The following STRAP variants were observed in gnomAD, a reference collection of about 807,000 sequenced individuals.
STRAP encodes serine/threonine kinase receptor associated protein.
A neutral mutation model predicts 47.0 loss-of-function variants in STRAP; 16 were observed. That is an observed-to-expected ratio of 0.34 (90% CI 0.23 to 0.52). The LOEUF is 0.52. Ranked by LOEUF, STRAP falls within the 20% of genes least tolerant of loss-of-function variation. STRAP has a pLI of 0.96. For synonymous variants in STRAP, 130 were observed against 142.7 expected, an observed-to-expected ratio of 0.91 and a Z score of 0.63; for missense variants, 293 against 420.0, an observed-to-expected ratio of 0.70 and a Z score of 2.64.
Position 15,890,739 on chromosome 12 carries a change from C to A in STRAP, c.403+70C>A. On this transcript the variant is annotated intron_variant, in intron 4 of 9. Coordinates refer to ENST00000419869, the MANE Select transcript of STRAP (RefSeq NM_007178.4). This position sits in a 1 kb window ranked among gnomAD's most constrained non-coding sequence, Gnocchi z 4.5. ...ATTTAAATAACTGATTAAAGAATTT[C>A]ATGCTCAGTACTCAAATTTGGAAAA... The A allele has an allele frequency of 7.4e-7, 1 of 1,345,182 alleles. No homozygotes were observed. Among genetic ancestry groups the A allele is most frequent in the Non-Finnish European group, 1.0e-6 (1 of 962,722 alleles). The allele number at this position is 1,345,182 out of a possible 1,614,324, so 83.3% of individuals were successfully genotyped here. A position where few individuals can be genotyped will look rare whatever the true frequency, so the allele number is the denominator to read the frequency against.
chr12:15,886,071 T>C lies in STRAP; in HGVS notation c.248+2395T>C, dbSNP rs376753856. Among the ~76,000 whole-genome samples, 565 of 152,212 alleles carry C rather than the reference T, an allele frequency of 3.7e-3. 6 individuals are homozygous for C. Among genetic ancestry groups the C allele is most frequent in the African/African-American group, 0.012 (501 of 41,514 alleles). Reference sequence around the variant, plus strand: ...AAGGAAGATTTTTGTGATTTTTTTTTCCCCCTCCTCAGTTAAGGCTTTAGG... The same window carrying C: ...AAGGAAGATTTTTGTGATTTTTTTTCCCCCCTCCTCAGTTAAGGCTTTAGG... On this transcript the variant is annotated intron_variant, in intron 2 of 9. Coordinates refer to ENST00000419869, the MANE Select transcript of STRAP (RefSeq NM_007178.4).
intron 9 of STRAP, among the ~76,000 whole-genome samples, chr12:15,902,017 C>T (rs1948108167): frequency 1.3e-5 from 2 of 152,024 alleles, no homozygotes; most frequent in Non-Finnish European, 2.9e-5. Context: ...TGCTCTGTTG[C>T]CCAGGCTGGA....
At chr12:15,900,177 G>A in intron 8 of STRAP, 124 bp downstream of exon 8, 6 of 1,035,190 alleles carry the variant, frequency 5.8e-6, no homozygotes, top group Non-Finnish European at 8.1e-6. Flanking sequence ...TATGGTTTAA[G>A]CAGCGAGAAG....
In STRAP at chr12:15,887,721, T is replaced by C. The variant is rs886248819; in HGVS notation, c.249-2207T>C. Among the ~76,000 whole-genome samples, 1 of 152,174 alleles carries C rather than the reference T, an allele frequency of 6.6e-6. No individual in the cohort carries two copies. The highest frequency in any genetic ancestry group is 1.5e-5 in the Non-Finnish European group (1 of 68,014). On this transcript the variant is annotated intron_variant, in intron 2 of 9. Transcript: ENST00000419869. This position sits in a 1 kb window ranked among gnomAD's most constrained non-coding sequence, Gnocchi z 5.5. Reference sequence around the variant, plus strand: ...CAGTCTAAGCAGAATCTTAAGATTTTAGAGCTGCCATGTTGGCGTTAGCCT... The same window carrying C: ...CAGTCTAAGCAGAATCTTAAGATTTCAGAGCTGCCATGTTGGCGTTAGCCT...
At chr12:15,893,283 T>G (rs1948031852) in intron 4 of STRAP, among the ~76,000 whole-genome samples, 1 of 151,956 alleles carries the variant, frequency 6.6e-6, no homozygotes, top group Non-Finnish European at 1.5e-5. Context: ...CATTATTTAC[T>G]ATCAATAGCT....
intron 1 of STRAP, chr12:15,883,256 T>C: frequency 9.3e-7 from 1 of 1,070,528 alleles, no homozygotes; most frequent in Non-Finnish European, 1.4e-6. Context: ...GAAACTGAGA[T>C]TCAGGCTAAG....
At chr12:15,895,722 G>A (rs1452114644) in intron 6 of STRAP, among the ~76,000 whole-genome samples, 1 of 151,808 alleles carries the variant, frequency 6.6e-6, no homozygotes, top group Non-Finnish European at 1.5e-5. Context: ...TTAGCTGGGT[G>A]TGGTGGCACA....
At chr12:15,886,711 T>C (rs925449212) in intron 2 of STRAP, among the ~76,000 whole-genome samples, 3 of 152,184 alleles carry the variant, frequency 2.0e-5, no homozygotes, top group Non-Finnish European at 4.4e-5. Flanking sequence ...CCTACCTGAT[T>C]AGTCATGGTT....
intron 7 of STRAP, among the ~76,000 whole-genome samples, chr12:15,899,042 G>C (rs1055048530): frequency 2.6e-5 from 4 of 152,126 alleles, no homozygotes; most frequent in African/African-American, 9.7e-5. Flanking sequence ...TTTAATGCTA[G>C]TTTTCAAAGT....
At chr12:15,901,897 G>A (rs1948106450) in intron 9 of STRAP, among the ~76,000 whole-genome samples, 1 of 150,520 alleles carries the variant, frequency 6.6e-6, no homozygotes, top group Non-Finnish European at 1.5e-5. Flanking sequence ...CTTGGCTGTT[G>A]CACGTACAAA....
chr12:15,897,891 A>G lies in STRAP; in HGVS notation c.648A>G (p.Pro216=). Residue 216 remains proline (P), a synonymous_variant, in exon 7 of 10, where the codon CCA becomes CCG. Coordinates refer to ENST00000419869, the MANE Select transcript of STRAP (RefSeq NM_007178.4). The stretch of plus-strand genomic sequence containing the variant: ...TTAAATTTTTTTTCAGTTTGGACCC[A>G]ATTAAATCCTTTGAAGCTCCTGCAA... ...IAFHSAVSLD[P]IKSFEAPATI... is the part of the protein sequence containing the mutation. 6.5e-7 allele frequency: 1 copy of G among 1,543,816 alleles called. No individual in the cohort carries two copies. Among genetic ancestry groups the G allele is most frequent in the East Asian group, 2.4e-5 (1 of 41,428 alleles).
Position 15,890,456 on chromosome 12 carries a change from T to G in STRAP, c.331-141T>G. On this transcript the variant is annotated intron_variant, in intron 3 of 9. Coordinates refer to ENST00000419869, the MANE Select transcript of STRAP (RefSeq NM_007178.4). This position sits in a 1 kb window ranked among gnomAD's most constrained non-coding sequence, Gnocchi z 4.5. ...GAGAGGTCAGCTGTTCCACAGTATC[T>G]TCTCAGAAGTAATTGGTTATGTCTT... 2.8e-6 allele frequency: 2 copies of G among 713,692 alleles called. No homozygotes were observed. Among genetic ancestry groups the G allele is most frequent in the Non-Finnish European group, 4.8e-6 (2 of 413,204 alleles). 44.2% of individuals were successfully genotyped at this position (713,692 alleles called of 1,614,324 possible).
chr12:15,892,773 A>G (rs949088913), intron 4 of STRAP, among the ~76,000 whole-genome samples: 12 of 152,176 alleles, frequency 7.9e-5, no homozygotes, highest in African/African-American at 2.9e-4. Flanking sequence ...AAAACATAGC[A>G]AAGGACTCTG....
intron 2 of STRAP, among the ~76,000 whole-genome samples, chr12:15,884,094 A>C (rs1947947366): frequency 6.6e-6 from 1 of 152,214 alleles, no homozygotes; most frequent in Non-Finnish European, 1.5e-5. Flanking sequence ...AAAAACAAAC[A>C]AACAAAAAAA....
chr12:15,894,276 T>C lies in STRAP; in HGVS notation c.500+133T>C, dbSNP rs1426279609. ...GAGTACTAGACCAGCCTGGCCGACA[T>C]GGCGAAATACTGTCTCTATGAAAAT... On this transcript the variant is annotated intron_variant, in intron 5 of 9. Coordinates refer to ENST00000419869, the MANE Select transcript of STRAP (RefSeq NM_007178.4). This position sits in a 1 kb window ranked among gnomAD's most constrained non-coding sequence, Gnocchi z 4.9. 3 of 625,026 alleles carry C rather than the reference T, an allele frequency of 4.8e-6. No individual in the cohort carries two copies. Among genetic ancestry groups the C allele is most frequent in the Non-Finnish European group, 5.6e-6 (2 of 357,482 alleles). 38.7% of individuals were successfully genotyped at this position (625,026 alleles called of 1,614,324 possible). A position where few individuals can be genotyped will look rare whatever the true frequency, so the allele number is the denominator to read the frequency against.
intron 5 of STRAP, 44 bp from the exon 6 acceptor site, chr12:15,895,315 T>C: frequency 8.5e-6 from 12 of 1,413,758 alleles, no homozygotes; most frequent in Non-Finnish European, 1.1e-5. Context: ...TATAAACTTT[T>C]TTCTTACATG....
chr12:15,886,216 CAG>C (rs1947971823), intron 2 of STRAP, among the ~76,000 whole-genome samples: 1 of 148,078 alleles, frequency 6.8e-6, no homozygotes, highest in Non-Finnish European at 1.5e-5. Flanking sequence ...TTTTTTGAAA[CAG>C]GGTCTTAGGT....
rs565040350 is a variant in STRAP at position 15,900,981 on chromosome 12, T to G, written c.960T>G (p.Ile320Met). The change falls in exon 9 of 10, where the codon ATT (isoleucine) becomes ATG (methionine). Residue 320 changes from isoleucine to methionine, a missense_variant. Ile to Met is a conservative substitution (Grantham distance 10). This residue lies in a region of STRAP where 52 missense variants were observed against 45.0 expected (regional missense o/e 1.16). Coordinates refer to ENST00000419869, the MANE Select transcript of STRAP (RefSeq NM_007178.4). ...GTGGTGAGCTGGCAAAGCCAAAGAT[T>G]GGTTTTCCAGAGACAACAGAAGAGG... The part of the protein sequence containing the change: ...EDSGELAKPK[I>M]GFPETTEEEL... 3 of 1,599,126 alleles carry G rather than the reference T, an allele frequency of 1.9e-6. No individual in the cohort carries two copies. Among genetic ancestry groups the G allele is most frequent in the East Asian group, 4.5e-5 (2 of 44,054 alleles).
rs759768862 is a variant in STRAP, at chr12:15,902,908, T to TA, written c.992-8dup. 2.6e-4 allele frequency: 381 copies of TA among 1,493,866 alleles called. 2 individuals are homozygous for TA. In the African/African-American group the frequency reaches 5.0e-3, roughly 20 times the overall value. The allele number at this position is 1,493,866 out of a possible 1,614,324, so 92.5% of individuals were successfully genotyped here. A position where few individuals can be genotyped will look rare whatever the true frequency, so the allele number is the denominator to read the frequency against. On this transcript the variant is annotated splice_polypyrimidine_tract_variant and intron_variant, in intron 9 of 9. Coordinates refer to ENST00000419869, the MANE Select transcript of STRAP (RefSeq NM_007178.4). ...GACTTTTTTTTTTTTTTTTTTTTTTTACTTATAGAAGAAATTGCTTCAGAG... is the reference window on the plus strand; with the variant it reads ...GACTTTTTTTTTTTTTTTTTTTTTTTAACTTATAGAAGAAATTGCTTCAGAG...
Sources: gnomAD v4.1 joint callset for allele counts (sites outside exome capture counted in the v4.1 genomes callset) on GRCh38, gnomAD v4.1.1 for gene constraint, gnomAD v4.1.1 regional missense constraint, Gnocchi (gnomAD v3.1) non-coding constraint, MANE v1.5 for transcripts, NCBI Gene and HGNC (gene_info 2026-07-23, HGNC 2026-07-21) for gene names.